Variants in PUM1 observed in about 807,000 individuals in gnomAD.
The protein encoded by PUM1 is pumilio RNA binding family member 1.
In PUM1, 13 loss-of-function variants were observed where a neutral mutation model predicts 131.8. The ratio of observed to expected loss-of-function variants is 0.10; its 90% CI spans 0.06 to 0.16. The LOEUF (loss-of-function observed/expected upper bound fraction) is 0.16, where lower values mean the gene tolerates loss of function less well. Among genes scored for constraint, PUM1 ranks in the 10% least tolerant of loss-of-function variants. The pLI is 1.00. For synonymous variants in PUM1, 509 were observed against 556.5 expected, an observed-to-expected ratio of 0.91 and a Z score of 1.20; for missense variants, 961 against 1,512.4, an observed-to-expected ratio of 0.64 and a Z score of 6.05.
rs74724584 is a variant in PUM1 at position 31,035,527 on chromosome 1, G to A, written c.364-6663C>T. Among the ~76,000 whole-genome samples, 742 of 152,196 alleles carry A rather than the reference G, an allele frequency of 4.9e-3. 31 individuals carry two copies. In the East Asian group the frequency reaches 0.1, roughly 21 times the overall value. ...AGCACTTTCGGAGGCCGAGGCGGGC[G>A]GATCACCTGAGGTCAGGAGGTCGAG... On this transcript the variant is annotated intron_variant, in intron 2 of 21. Coordinates refer to ENST00000426105, the MANE Select transcript of PUM1 (RefSeq NM_001020658.2).
intron 1 of PUM1, 49 bp downstream of exon 1, chr1:31,065,567 G>A: frequency 1.3e-6 from 2 of 1,532,688 alleles, no homozygotes; most frequent in Admixed American, 2.0e-5. Context: ...CAATCTGCTC[G>A]TTAGGGGTCC....
chr1:30,933,480 A>ACC, intron 21 of PUM1, 138 bp from the exon 22 acceptor site: 1 of 805,364 alleles, frequency 1.2e-6, no homozygotes, highest in Non-Finnish European at 1.9e-6. Context: ...ACACACACAC[A>ACC]CACACCCCTA....
chr1:30,997,102 C>T, intron 5 of PUM1, among the ~76,000 whole-genome samples: 1 of 152,182 alleles, frequency 6.6e-6, no homozygotes, highest in Non-Finnish European at 1.5e-5. Context: ...TTACAAGAAT[C>T]ATCCCACTGC....
chr1:31,060,288 C>T (rs1644339593), intron 1 of PUM1, among the ~76,000 whole-genome samples: 1 of 151,182 alleles, frequency 6.6e-6, no homozygotes, highest in Non-Finnish European at 1.5e-5. Context: ...TGGTGAAACC[C>T]CATCTCTACT....
chr1:30,975,065 C>T (rs543516978), intron 9 of PUM1, among the ~76,000 whole-genome samples: 86 of 152,226 alleles, frequency 5.6e-4, no homozygotes, highest in Non-Finnish European at 7.8e-4. Context: ...GGGGGAATCA[C>T]TGATAGAAGG....
At chr1:30,950,282 A>G (rs1161988623) in intron 16 of PUM1, 21 bp from the exon 17 acceptor site, 2 of 1,606,660 alleles carry the variant, frequency 1.2e-6, no homozygotes, top group Middle Eastern at 1.7e-4. Flanking sequence ...TGTGTGGGTA[A>G]ACACCATTAC....
In PUM1 at chr1:31,055,993, T is replaced by C. The variant is rs551492343; in HGVS notation, c.363+3211A>G. Among the ~76,000 whole-genome samples, 151 of 152,292 alleles carry C rather than the reference T, an allele frequency of 9.9e-4. 1 individual carries two copies. The highest frequency in any genetic ancestry group is 3.5e-3 in the African/African-American group (144 of 41,580). ...GATTTTTGAATAACATTTAGCCAAA[T>C]AGTACAGAGATTACAGGGTTTGTTT... On this transcript the variant is annotated intron_variant, in intron 2 of 21. Transcript: ENST00000426105.
At chr1:30,991,750 C>T (rs1010592017) in intron 7 of PUM1, among the ~76,000 whole-genome samples, 1 of 152,132 alleles carries the variant, frequency 6.6e-6, no homozygotes, top group African/African-American at 2.4e-5. Flanking sequence ...ATCAGTTAAT[C>T]CTAGAGGTAG....
chr1:31,065,403 A>G (rs914756064), intron 1 of PUM1, among the ~76,000 whole-genome samples: 1 of 95,960 alleles, frequency 1.0e-5, no homozygotes, highest in Non-Finnish European at 2.2e-5. Context: ...CCCGCTCCCC[A>G]CCCCCTCCCT....
At chr1:30,998,751 TAC>T (rs1642077273) in intron 5 of PUM1, among the ~76,000 whole-genome samples, 2 of 152,194 alleles carry the variant, frequency 1.3e-5, no homozygotes, top group African/African-American at 4.8e-5. Context: ...ACCAAAAATT[TAC>T]AGTGAATGCT....
At chr1:30,990,986 C>CA (rs1641765937) in intron 7 of PUM1, among the ~76,000 whole-genome samples, 1 of 151,438 alleles carries the variant, frequency 6.6e-6, no homozygotes, top group African/African-American at 2.4e-5. Flanking sequence ...GTCCAGTCTC[C>CA]AAAAACTGGT....
At chr1:30,941,940 C>T (rs753647421) in intron 19 of PUM1, 58 bp downstream of exon 19, 2 of 1,438,996 alleles carry the variant, frequency 1.4e-6, no homozygotes, top group Non-Finnish European at 1.9e-6. Flanking sequence ...AACACACAAA[C>T]TCTGGCCCTG....
chr1:31,007,401 G>A (rs74063614), intron 3 of PUM1, among the ~76,000 whole-genome samples: 2,450 of 152,272 alleles, frequency 0.016, 71 homozygotes, highest in African/African-American at 0.055. Context: ...TTTAAGGAGT[G>A]GGGAAGGGAA....
At chr1:30,963,752 CCAGGACAGTCCTGATT>C (rs1464260593) in intron 14 of PUM1, among the ~76,000 whole-genome samples, 56 of 152,244 alleles carry the variant, frequency 3.7e-4, no homozygotes, top group Middle Eastern at 3.4e-3. Context: ...GCTGATTTGC[CCAGGACAGTCCTGATT>C]TAGGCCTATC....
chr1:30,969,437 A>G (rs1463075427), intron 10 of PUM1, among the ~76,000 whole-genome samples: 1 of 152,074 alleles, frequency 6.6e-6, no homozygotes, highest in African/African-American at 2.4e-5. Flanking sequence ...TCACATGCAC[A>G]CAAAAGATGG....
chr1:31,022,673 A>G (rs1229774177), intron 3 of PUM1, among the ~76,000 whole-genome samples: 2 of 152,192 alleles, frequency 1.3e-5, no homozygotes, highest in African/African-American at 2.4e-5. Context: ...TCCTCAAACA[A>G]TACTGATAAA....
Position 30,964,920 on chromosome 1 carries a change from A to G in PUM1, c.2087-10T>C. 1 of 1,607,720 alleles carries G rather than the reference A, an allele frequency of 6.2e-7. No individual in the cohort carries two copies. Among genetic ancestry groups the G allele is most frequent in the Non-Finnish European group, 8.5e-7 (1 of 1,174,198 alleles). On this transcript the variant is annotated splice_polypyrimidine_tract_variant and intron_variant, in intron 13 of 21. Coordinates refer to ENST00000426105, the MANE Select transcript of PUM1 (RefSeq NM_001020658.2). ...GTGTTGGAGTTTGCAACTAAAATGGAATTAAAACAATGCAGATAAGAACAG... is the reference window on the plus strand; with the variant it reads ...GTGTTGGAGTTTGCAACTAAAATGGGATTAAAACAATGCAGATAAGAACAG...
intron 3 of PUM1, among the ~76,000 whole-genome samples, chr1:31,008,830 C>G (rs550925837): frequency 8.5e-5 from 13 of 152,060 alleles, no homozygotes; most frequent in African/African-American, 2.4e-4. Flanking sequence ...AAGGACAATT[C>G]AATAATTATT....
intron 5 of PUM1, among the ~76,000 whole-genome samples, chr1:30,995,923 T>G (rs1000295801): frequency 2.6e-5 from 4 of 152,226 alleles, no homozygotes; most frequent in African/African-American, 9.6e-5. Flanking sequence ...AATAACTATC[T>G]TCTACCATCT....
Sources: gnomAD v4.1 joint callset for allele counts (sites outside exome capture counted in the v4.1 genomes callset) on GRCh38, gnomAD v4.1.1 for gene constraint, MANE v1.5 for transcripts, NCBI Gene and HGNC (gene_info 2026-07-23, HGNC 2026-07-21) for gene names.